Variants in MED30 observed in about 807,000 individuals in gnomAD.
The protein encoded by MED30 is mediator complex subunit 30.
A neutral mutation model predicts 21.7 loss-of-function variants in MED30; 8 were observed. The ratio of observed to expected loss-of-function variants is 0.37; its 90% confidence interval spans 0.22 to 0.67. MED30 has a LOEUF of 0.67. Ranked by LOEUF, MED30 falls within the 30% of genes least tolerant of loss-of-function variation. The pLI is 0.58. For synonymous variants in MED30, 79 were observed against 86.7 expected, an observed-to-expected ratio of 0.91 and a Z score of 0.49; for missense variants, 203 against 228.2, an observed-to-expected ratio of 0.89 and a Z score of 0.71.
chr8:117,522,632 T>C (rs1404800539), intron 1 of MED30, among the ~76,000 whole-genome samples: 1 of 151,442 alleles, frequency 6.6e-6, no homozygotes, highest in Non-Finnish European at 1.5e-5. Context: ...AAGTGTTTTA[T>C]TGCTTTTTTT....
At chr8:117,533,531 A>G (rs1340471102) in intron 3 of MED30, among the ~76,000 whole-genome samples, 3 of 152,196 alleles carry the variant, frequency 2.0e-5, no homozygotes, top group African/African-American at 4.8e-5. Context: ...TTATGGCTTC[A>G]TAAGTATTGT....
chr8:117,534,512 G>A (rs6999423), intron 3 of MED30, among the ~76,000 whole-genome samples: 38,402 of 151,970 alleles, frequency 0.25, 5,213 homozygotes, highest in Middle Eastern at 0.37. Context: ...TTTAGTTAAC[G>A]TGATATCAAA....
At chr8:117,522,066 C>T (rs1818631958) in intron 1 of MED30, among the ~76,000 whole-genome samples, 1 of 152,184 alleles carries the variant, frequency 6.6e-6, no homozygotes, top group Non-Finnish European at 1.5e-5. Context: ...GTTCTAGTTT[C>T]TCCTCATCCT....
intron 2 of MED30, 47 bp from the exon 3 acceptor site, chr8:117,530,676 A>G (rs1364543942): frequency 1.5e-6 from 2 of 1,377,852 alleles, no homozygotes; most frequent in East Asian, 2.4e-5. Context: ...GTGATTAGAA[A>G]ACTTGAATTA....
intron 2 of MED30, 108 bp from the exon 3 acceptor site, chr8:117,530,615 T>A (rs1037886336): frequency 2.8e-6 from 2 of 704,024 alleles, no homozygotes; most frequent in Admixed American, 6.5e-5. Context: ...ATTATTTTTA[T>A]ACAAATAAAA....
chr8:117,520,773 C>T lies in MED30; in HGVS notation c.-104C>T, dbSNP rs1818594038. On this transcript the variant is annotated 5_prime_UTR_variant, in exon 1 of 4. Transcript: ENST00000297347. The stretch of plus-strand genomic sequence containing the variant: ...GTTTTGAAATCGGGCCGCGGGGGGT[C>T]TCTCAAGCTGGTTCCAACGCTGAGG... 5 of 1,204,788 alleles carry T rather than the reference C, an allele frequency of 4.2e-6. No homozygotes were observed. Among genetic ancestry groups the T allele is most frequent in the Non-Finnish European group, 5.6e-6 (5 of 896,806 alleles). 74.6% of individuals were successfully genotyped at this position (1,204,788 alleles called of 1,614,324 possible). A position where few individuals can be genotyped will look rare whatever the true frequency, so the allele number is the denominator to read the frequency against.
chr8:117,530,075 G>C (rs142334728), intron 2 of MED30, among the ~76,000 whole-genome samples: 4 of 151,942 alleles, frequency 2.6e-5, no homozygotes, highest in Non-Finnish European at 5.9e-5. Flanking sequence ...CCACACTTAT[G>C]CGGTAAATTC....
intron 3 of MED30, among the ~76,000 whole-genome samples, chr8:117,535,605 A>G (rs981990480): frequency 6.6e-6 from 1 of 152,008 alleles, no homozygotes; most frequent in African/African-American, 2.4e-5. Context: ...TATAGATGAT[A>G]ATGTACTGAT....
At chr8:117,528,952 GA>G in intron 2 of MED30, 143 bp downstream of exon 2, 1 of 559,622 alleles carries the variant, frequency 1.8e-6, no homozygotes, top group Non-Finnish European at 3.0e-6. Flanking sequence ...CAGAGAAGAT[GA>G]AAATGTGATA....
At chr8:117,524,700 A>G (rs1486003860) in intron 1 of MED30, among the ~76,000 whole-genome samples, 4 of 152,208 alleles carry the variant, frequency 2.6e-5, no homozygotes, top group Admixed American at 1.3e-4. Context: ...CTCTTATACT[A>G]TGTACCTAAC....
chr8:117,532,241 A>G (rs1183709024), intron 3 of MED30, among the ~76,000 whole-genome samples: 1 of 152,018 alleles, frequency 6.6e-6, no homozygotes, highest in Non-Finnish European at 1.5e-5. Context: ...CAAAAACAAT[A>G]GGATTTTAGT....
intron 3 of MED30, among the ~76,000 whole-genome samples, chr8:117,533,811 T>G (rs1329124128): frequency 6.6e-6 from 1 of 152,164 alleles, no homozygotes; most frequent in Non-Finnish European, 1.5e-5. Context: ...CTCTGGGGCT[T>G]TCCTTCACCT....
chr8:117,529,621 G>A (rs1214100836), intron 2 of MED30, among the ~76,000 whole-genome samples: 1 of 151,918 alleles, frequency 6.6e-6, no homozygotes, highest in Non-Finnish European at 1.5e-5. Flanking sequence ...AGAAGCTGGA[G>A]CCGGCAAGTG....
At chr8:117,524,918 C>T (rs1818696267) in intron 1 of MED30, among the ~76,000 whole-genome samples, 1 of 152,140 alleles carries the variant, frequency 6.6e-6, no homozygotes, top group African/African-American at 2.4e-5. Flanking sequence ...ACAGAAAATA[C>T]TCCCTTATCC....
intron 1 of MED30, among the ~76,000 whole-genome samples, chr8:117,521,640 T>C (rs1818623860): frequency 6.6e-6 from 1 of 152,182 alleles, no homozygotes; most frequent in African/African-American, 2.4e-5. Flanking sequence ...TGATCTGCGT[T>C]CTGTAATCAT....
intron 3 of MED30, among the ~76,000 whole-genome samples, chr8:117,538,952 C>CTGA (rs1818931160): frequency 6.6e-6 from 1 of 152,222 alleles, no homozygotes; most frequent in Non-Finnish European, 1.5e-5. Context: ...TTTTGAAAGA[C>CTGA]TGATTGCATG....
Position 117,523,877 on chromosome 8 carries a change from G to T in MED30, c.177+2824G>T, listed in dbSNP as rs1818676881. On this transcript the variant is annotated intron_variant, in intron 1 of 3. Coordinates refer to ENST00000297347, the MANE Select transcript of MED30 (RefSeq NM_080651.4). ...CAAAAATTAGCCGGGCGTGGTGGCG[G>T]GCGCCTGTAATCCCAGCTACTCGGG... The T allele has an allele frequency of 7.3e-6, 3 of 408,796 alleles. No homozygotes were observed. The Admixed American group carries it at 1.1e-4, about 15-fold the overall frequency. 25.3% of individuals were successfully genotyped at this position (408,796 alleles called of 1,614,324 possible).
chr8:117,521,523 C>T (rs1818620727), intron 1 of MED30, among the ~76,000 whole-genome samples: 1 of 152,172 alleles, frequency 6.6e-6, no homozygotes, highest in South Asian at 2.1e-4. Flanking sequence ...AGTCTGTATA[C>T]TTGTGAAATT....
chr8:117,532,083 CTTATT>C (rs1189011512), intron 3 of MED30, among the ~76,000 whole-genome samples: 1 of 151,914 alleles, frequency 6.6e-6, no homozygotes, highest in Non-Finnish European at 1.5e-5. Flanking sequence ...TATGAATAAA[CTTATT>C]AAGATACATA....
Sources: gnomAD v4.1 joint callset for allele counts (sites outside exome capture counted in the v4.1 genomes callset) on GRCh38, gnomAD v4.1.1 for gene constraint, MANE v1.5 for transcripts, NCBI Gene and HGNC (gene_info 2026-07-23, HGNC 2026-07-21) for gene names.